BBX: variants seen among roughly 807,000 people sequenced by gnomAD.
The protein encoded by BBX is HMG box transcription factor BBX.
Under a neutral mutation model 100.2 loss-of-function variants are expected in BBX, and 30 were observed. The observed-to-expected ratio is 0.30, with a 90% CI of 0.22 to 0.41. The LOEUF is 0.41. Ranked by LOEUF, BBX falls within the 10% of genes least tolerant of loss-of-function variation. BBX has a pLI of 1.00. For synonymous variants in BBX, 376 were observed against 388.1 expected (o/e 0.97, Z 0.37); for missense variants, 1,023 against 1,129.8 (o/e 0.91, Z 1.35).
chr3:107,798,005 C>T (rs967992582), intron 15 of BBX, among the ~76,000 whole-genome samples: 6 of 152,238 alleles, frequency 3.9e-5, no homozygotes, highest in Admixed American at 3.3e-4. Flanking sequence ...AGTCAATCTA[C>T]ATGAAAGAAA....
At chr3:107,725,318 T>C (rs961369836) in intron 5 of BBX, among the ~76,000 whole-genome samples, 1 of 152,148 alleles carries the variant, frequency 6.6e-6, no homozygotes, top group African/African-American at 2.4e-5. Context: ...GCTGAGACAA[T>C]GGGGTTTTCT....
intron 2 of BBX, among the ~76,000 whole-genome samples, chr3:107,579,874 T>C (rs762245050): frequency 4.6e-5 from 7 of 152,228 alleles, no homozygotes; most frequent in Non-Finnish European, 7.3e-5. Flanking sequence ...CCTATGATGG[T>C]TGAATATCTT....
chr3:107,750,470 G>A (rs1213371883), intron 9 of BBX, among the ~76,000 whole-genome samples: 1 of 152,148 alleles, frequency 6.6e-6, no homozygotes, highest in Non-Finnish European at 1.5e-5. Context: ...GTTATATTTT[G>A]TAACCATTGG....
At chr3:107,594,881 T>C (rs760324187) in intron 2 of BBX, among the ~76,000 whole-genome samples, 1 of 152,242 alleles carries the variant, frequency 6.6e-6, no homozygotes, top group Non-Finnish European at 1.5e-5. Context: ...GATGCTGTTA[T>C]TACCTTTAAA....
At chr3:107,632,413 A>G (rs1454107848) in intron 2 of BBX, among the ~76,000 whole-genome samples, 1 of 152,088 alleles carries the variant, frequency 6.6e-6, no homozygotes, top group Admixed American at 6.5e-5. Flanking sequence ...ATTTATTAGT[A>G]CTTTTAGTTT....
At chr3:107,689,045 A>T (rs566858766) in intron 3 of BBX, among the ~76,000 whole-genome samples, 2 of 152,050 alleles carry the variant, frequency 1.3e-5, no homozygotes, top group South Asian at 4.1e-4. Context: ...GGTTTTCCTT[A>T]TTTTTTTCCC....
At chr3:107,580,823 G>A (rs574569048) in intron 2 of BBX, among the ~76,000 whole-genome samples, 1 of 152,260 alleles carries the variant, frequency 6.6e-6, no homozygotes, top group Admixed American at 6.5e-5. Context: ...TAGAGATGAG[G>A]TTTCACCATG....
chr3:107,626,475 T>C (rs929342001), intron 2 of BBX, among the ~76,000 whole-genome samples: 1 of 152,176 alleles, frequency 6.6e-6, no homozygotes, highest in African/African-American at 2.4e-5. Context: ...GCTGTGTGAT[T>C]CTGGCTCAGG....
At chr3:107,682,117 A>G (rs1044728642) in intron 3 of BBX, among the ~76,000 whole-genome samples, 2 of 152,168 alleles carry the variant, frequency 1.3e-5, no homozygotes, top group Non-Finnish European at 2.9e-5. Flanking sequence ...ACTCTTTTTA[A>G]TAGCAGATGT....
chr3:107,589,137 A>G (rs2053086537), intron 2 of BBX, among the ~76,000 whole-genome samples: 1 of 152,206 alleles, frequency 6.6e-6, no homozygotes. Flanking sequence ...CCCATATTTT[A>G]ACGTGAACTT....
At chr3:107,748,872 G>A (rs1210659726) in intron 9 of BBX, among the ~76,000 whole-genome samples, 2 of 151,834 alleles carry the variant, frequency 1.3e-5, no homozygotes, top group Non-Finnish European at 2.9e-5. Context: ...TTGATGTATT[G>A]AATCACTTTG....
In BBX at chr3:107,716,867, G is replaced by T; in HGVS notation, c.405+18G>T. 1 of 1,610,274 alleles carries T rather than the reference G, an allele frequency of 6.2e-7. No homozygotes were observed. Among genetic ancestry groups the T allele is most frequent in the South Asian group, 1.1e-5 (1 of 90,870 alleles). ...CCAAGGAGGTAGGTTACAATGACAA[G>T]GTATTCTGATAGCTAAAAGCAACCA... On this transcript the variant is annotated intron_variant, in intron 5 of 17. Transcript: ENST00000325805.
rs137877767 is a variant in BBX, at chr3:107,750,146, GT to G, written c.825+2111del. Among the ~76,000 whole-genome samples, 6 of 152,082 alleles carry G rather than the reference GT, an allele frequency of 3.9e-5. 1 individual carries two copies. Among genetic ancestry groups the G allele is most frequent in the Admixed American group, 3.9e-4 (6 of 15,264 alleles). On this transcript the variant is annotated intron_variant, in intron 9 of 17. Coordinates refer to ENST00000325805, the MANE Select transcript of BBX (RefSeq NM_001142568.3). The stretch of plus-strand genomic sequence containing the variant: ...GGTCCTTGCCTCTTAATTATACTAA[GT>G]TTTCTTCTAGAGAAGAAAAGAACTT...
Position 107,773,014 on chromosome 3 carries a change from T to A in BBX, c.1293T>A (p.His431Gln). 6.2e-7 allele frequency: 1 copy of A among 1,613,980 alleles called. No homozygotes were observed. The highest frequency in any genetic ancestry group is 2.2e-5 in the East Asian group (1 of 44,874). ...DVPSRKDHMC[H>Q]PHGIMIIEDP... ...CCAGTAGAAAGGATCATATGTGCCA[T>A]CCTCATGGAATTATGATCATTGAGG... The change falls in exon 11 of 18, where the codon CAT becomes CAA. Residue 431 changes from histidine to glutamine, a missense_variant. Around this residue, in one of 9 missense-constraint regions of BBX, gnomAD observed 348 missense variants for 353.2 expected, o/e 0.99. Transcript: ENST00000325805. The surrounding 1 kb of genome is among the most constrained non-coding windows in gnomAD (Gnocchi z 4.1).
At chr3:107,604,421 G>A (rs1480633122) in intron 2 of BBX, among the ~76,000 whole-genome samples, 1 of 151,944 alleles carries the variant, frequency 6.6e-6, no homozygotes, top group East Asian at 1.9e-4. Context: ...TAGGTTCTTC[G>A]GTATTCTGGT....
intron 9 of BBX, among the ~76,000 whole-genome samples, chr3:107,749,204 T>C (rs2064868079): frequency 6.6e-6 from 1 of 152,240 alleles, no homozygotes; most frequent in Non-Finnish European, 1.5e-5. Context: ...ATTAAGATTT[T>C]GTTACAGTTT....
intron 8 of BBX, 65 bp from the exon 9 acceptor site, chr3:107,747,900 C>A: frequency 7.3e-7 from 1 of 1,366,464 alleles, no homozygotes; most frequent in Non-Finnish European, 1.0e-6. Context: ...AAATATATGG[C>A]AGAATCTTAT....
intron 7 of BBX, among the ~76,000 whole-genome samples, chr3:107,743,110 C>G (rs2064251534): frequency 6.6e-6 from 1 of 152,094 alleles, no homozygotes; most frequent in African/African-American, 2.4e-5. Flanking sequence ...TTATAGATTT[C>G]TGTCTTATGC....
intron 5 of BBX, among the ~76,000 whole-genome samples, chr3:107,726,713 G>C (rs1287402053): frequency 6.6e-6 from 1 of 152,008 alleles, no homozygotes; most frequent in Non-Finnish European, 1.5e-5. Flanking sequence ...CCATGGTCCA[G>C]CTTTATGGAC....
Sources: allele counts gnomAD v4.1 joint callset (sites outside exome capture counted in the v4.1 genomes callset), GRCh38; gene constraint gnomAD v4.1.1; regional missense constraint gnomAD v4.1.1; non-coding constraint Gnocchi (gnomAD v3.1); transcripts MANE v1.5; gene names NCBI Gene and HGNC (gene_info 2026-07-23, HGNC 2026-07-21).